The following RPS6KA2 variants were observed in gnomAD, a reference collection of about 807,000 sequenced individuals.
RPS6KA2 encodes ribosomal protein S6 kinase alpha-2.
A neutral mutation model predicts 91.8 loss-of-function variants in RPS6KA2; 42 were observed. The observed-to-expected ratio is 0.46, with a 90% CI of 0.36 to 0.59. The LOEUF is 0.59. RPS6KA2 is among the 20% of genes least tolerant of loss of function. The probability of loss-of-function intolerance (pLI) is 0.00; values close to 1 mark genes in which losing one functional copy is unlikely to be tolerated. For missense variants in RPS6KA2, 798 were observed against 978.5 expected (o/e 0.82, Z 2.46); for synonymous variants, 414 against 393.6 (o/e 1.05, Z -0.61).
chr6:166,624,628 A>G (rs1331830288), intron 1 of RPS6KA2, among the ~76,000 whole-genome samples: 1 of 152,204 alleles, frequency 6.6e-6, no homozygotes, highest in Non-Finnish European at 1.5e-5. Flanking sequence ...CACAGTATCC[A>G]GAAAAAGACC....
chr6:166,700,722 A>G (rs925973805), intron 2 of RPS6KA2, among the ~76,000 whole-genome samples: 1 of 152,160 alleles, frequency 6.6e-6, no homozygotes, highest in African/African-American at 2.4e-5. Flanking sequence ...ATTTAGGAAC[A>G]ATCTATTTGA....
intron 2 of RPS6KA2, among the ~76,000 whole-genome samples, chr6:166,813,576 G>A (rs1779692434): frequency 6.6e-6 from 1 of 152,126 alleles, no homozygotes; most frequent in Non-Finnish European, 1.5e-5. Flanking sequence ...GTGTCTGCAG[G>A]GCTGTGCTCC....
chr6:166,776,661 C>T (rs139883469), intron 2 of RPS6KA2, among the ~76,000 whole-genome samples: 442 of 152,306 alleles, frequency 2.9e-3, no homozygotes, highest in African/African-American at 0.01. Flanking sequence ...AACCGCACAG[C>T]GTGGGGTCTT....
At chr6:166,820,812 A>C (rs1354633530) in intron 2 of RPS6KA2, among the ~76,000 whole-genome samples, 2 of 152,374 alleles carry the variant, frequency 1.3e-5, no homozygotes, top group East Asian at 3.9e-4. Flanking sequence ...CTCCTTAACA[A>C]AAAGTAATTA....
At chr6:166,788,675 G>A (rs147366931) in intron 2 of RPS6KA2, among the ~76,000 whole-genome samples, 519 of 152,208 alleles carry the variant, frequency 3.4e-3, no homozygotes, top group African/African-American at 0.01. Flanking sequence ...ATCACACACC[G>A]GGGCCTGTCC....
intron 2 of RPS6KA2, among the ~76,000 whole-genome samples, chr6:166,751,602 C>G (rs1339287269): frequency 6.6e-6 from 1 of 152,238 alleles, no homozygotes; most frequent in Non-Finnish European, 1.5e-5. Context: ...GCCACTGGAG[C>G]CGTGGAAAGA....
Position 166,779,432 on chromosome 6 carries a change from A to G in RPS6KA2, c.123+78768T>C, listed in dbSNP as rs1032517444. ...ACATGTGGAGGGTGTGAGTCTGGAAATGCTCAGGGACCCCCGGGCTTCACA... is the reference window on the plus strand; with the variant it reads ...ACATGTGGAGGGTGTGAGTCTGGAAGTGCTCAGGGACCCCCGGGCTTCACA... On this transcript the variant is annotated intron_variant, in intron 2 of 21. Transcript: ENST00000503859. Among the ~76,000 whole-genome samples the G allele has an allele frequency of 2.6e-5, 4 of 152,124 alleles. No homozygotes were observed. The South Asian group carries it at 8.3e-4, about 32-fold the overall frequency.
At chr6:166,502,930 A>G (rs1199153372) in intron 6 of RPS6KA2, among the ~76,000 whole-genome samples, 1 of 152,118 alleles carries the variant, frequency 6.6e-6, no homozygotes, top group Non-Finnish European at 1.5e-5. Flanking sequence ...CTGAAACCGG[A>G]AGTGTTTAGG....
intron 2 of RPS6KA2, among the ~76,000 whole-genome samples, chr6:166,640,220 GA>G (rs35850697): frequency 8.1e-5 from 12 of 148,872 alleles, no homozygotes; most frequent in Non-Finnish European, 1.3e-4. Context: ...GCTTAAAAAG[GA>G]AAAAAAAAAC....
At chr6:166,431,334 A>G (rs1420086534) in intron 15 of RPS6KA2, among the ~76,000 whole-genome samples, 1 of 152,204 alleles carries the variant, frequency 6.6e-6, no homozygotes, top group East Asian at 1.9e-4. Flanking sequence ...ATCCAATCCA[A>G]TCTTGGGGAT....
At chr6:166,492,897 T>G (rs1781654523) in intron 8 of RPS6KA2, among the ~76,000 whole-genome samples, 1 of 149,692 alleles carries the variant, frequency 6.7e-6, no homozygotes, top group African/African-American at 2.4e-5. Flanking sequence ...TGTATTTTTT[T>G]TTTTTTTTTT....
intron 10 of RPS6KA2, among the ~76,000 whole-genome samples, chr6:166,482,209 T>G (rs1364901335): frequency 1.3e-5 from 2 of 152,262 alleles, no homozygotes; most frequent in Non-Finnish European, 2.9e-5. Flanking sequence ...CTCTGTTAAG[T>G]TCTCTGATGA....
At chr6:166,754,043 C>T (rs1468926426) in intron 2 of RPS6KA2, among the ~76,000 whole-genome samples, 2 of 152,202 alleles carry the variant, frequency 1.3e-5, no homozygotes, top group African/African-American at 2.4e-5. Flanking sequence ...CCCAGCCACA[C>T]AAGACCTCAG....
intron 3 of RPS6KA2, among the ~76,000 whole-genome samples, chr6:166,519,680 G>A (rs1418956519): frequency 6.6e-6 from 1 of 152,180 alleles, no homozygotes; most frequent in Non-Finnish European, 1.5e-5. Flanking sequence ...AACACGGGAG[G>A]AAGCACTTTG....
intron 14 of RPS6KA2, among the ~76,000 whole-genome samples, chr6:166,444,459 G>A (rs1277680760): frequency 6.6e-6 from 1 of 152,158 alleles, no homozygotes; most frequent in African/African-American, 2.4e-5. Flanking sequence ...CCAATAAAAT[G>A]GCTTGTAGTT....
At chr6:166,545,307 C>A (rs761338525) in intron 1 of RPS6KA2, among the ~76,000 whole-genome samples, 5 of 152,170 alleles carry the variant, frequency 3.3e-5, no homozygotes, top group Non-Finnish European at 7.3e-5. Flanking sequence ...ATCACTTTTT[C>A]TTTTTCTGAC....
chr6:166,857,183 C>T (rs1376400236), intron 2 of RPS6KA2, among the ~76,000 whole-genome samples: 1 of 152,214 alleles, frequency 6.6e-6, no homozygotes, highest in Non-Finnish European at 1.5e-5. Flanking sequence ...CTGAGCAGAC[C>T]ATTTTCTAAA....
chr6:166,654,220 C>A (rs1787942318), intron 2 of RPS6KA2, among the ~76,000 whole-genome samples: 1 of 152,208 alleles, frequency 6.6e-6, no homozygotes, highest in Non-Finnish European at 1.5e-5. Context: ...TGACAGAGAA[C>A]AATGTACCCA....
At position 166,571,929 on chromosome 6, in the gene RPS6KA2, AT is replaced by A. The variant is rs1192371514; in HGVS notation, c.100-33146del. ...TTCTGTGTAAACGTGCCATGTTGGC[AT>A]TATTTATAGTGAAGAACAGTGGGGG... is the stretch of plus-strand genomic sequence containing the variant. On this transcript the variant is annotated intron_variant, in intron 1 of 20. Coordinates refer to ENST00000265678, the MANE Select transcript of RPS6KA2 (RefSeq NM_021135.6). Among the ~76,000 whole-genome samples, 3 of 152,194 alleles carry A rather than the reference AT, an allele frequency of 2.0e-5. No individual in the cohort carries two copies. The East Asian group carries it at 5.8e-4, about 29-fold the overall frequency.
Sources: allele counts gnomAD v4.1 joint callset (sites outside exome capture counted in the v4.1 genomes callset), GRCh38; gene constraint gnomAD v4.1.1; transcripts MANE v1.5; gene names NCBI Gene and HGNC (gene_info 2026-07-23, HGNC 2026-07-21).